The following MELTF variants were observed in gnomAD, a reference collection of about 807,000 sequenced individuals.
The protein encoded by MELTF is antigen p97 (melanoma associated) identified by monoclonal antibodies 133.2 and 96.5.
Under a neutral mutation model 83.7 loss-of-function variants are expected in MELTF, and 67 were observed. That is an observed-to-expected ratio of 0.80 (90% CI 0.66 to 0.98). The LOEUF (loss-of-function observed/expected upper bound fraction) is 0.98. MELTF is among the 50% of genes least tolerant of loss of function. MELTF has a pLI of 0.00. For missense variants in MELTF, 1,002 were observed against 1,035.6 expected (o/e 0.97, Z 0.44); for synonymous variants, 462 against 447.6 (o/e 1.03, Z -0.41).
At position 197,009,612 on chromosome 3, in the gene MELTF, G is replaced by T; in HGVS notation, c.1525+6C>A. ...CCAGTCTGCGTTCCTAAAAAGGGGG[G>T]GGTACCTGTGAGGACGTCACAGTCC... On this transcript the variant is annotated splice_donor_region_variant and intron_variant, in intron 11 of 15. Coordinates refer to ENST00000296350, the MANE Select transcript of MELTF (RefSeq NM_005929.6). 6.3e-7 allele frequency: 1 copy of T among 1,597,704 alleles called. No individual in the cohort carries two copies. Among genetic ancestry groups the T allele is most frequent in the South Asian group, 1.1e-5 (1 of 90,792 alleles).
chr3:197,003,347 G>T lies in MELTF; in HGVS notation c.*25C>A. On this transcript the variant is annotated 3_prime_UTR_variant, in exon 16 of 16. Coordinates refer to ENST00000296350, the MANE Select transcript of MELTF (RefSeq NM_005929.6). This position sits in a 1 kb window ranked among gnomAD's most constrained non-coding sequence, Gnocchi z 6.2. ...GCGGAAACTCCCCGGGCGGGCATCGGAGCTCTGGGGCGGGGCGGCCGGGCT... is the reference window on the plus strand; with the variant it reads ...GCGGAAACTCCCCGGGCGGGCATCGTAGCTCTGGGGCGGGGCGGCCGGGCT... The T allele has an allele frequency of 9.4e-7, 1 of 1,063,252 alleles. No homozygotes were observed. 65.9% of individuals were successfully genotyped at this position (1,063,252 alleles called of 1,614,324 possible).
Position 197,008,940 on chromosome 3 carries a change from G to A in MELTF, c.1551C>T (p.Ser517=). The A allele has an allele frequency of 1.2e-6, 2 of 1,614,028 alleles. No homozygotes were observed. The highest frequency in any genetic ancestry group is 2.2e-5 in the South Asian group (2 of 91,080). Residue 517 remains serine (S), a synonymous_variant, in exon 12 of 16, where the codon AGC becomes AGT. Transcript: ENST00000296350. The surrounding 1 kb of genome is among the most constrained non-coding windows in gnomAD (Gnocchi z 5.4). ...LTAVSEFFNA[S]CVPVNNPKNY... ...TCTTGGGGTTGTTCACGGGCACGCA[G>A]CTGGCATTGAAGAACTCGCTCACTG...
chr3:197,010,945 C>A, intron 9 of MELTF, 151 bp from the exon 10 acceptor site: 1 of 675,870 alleles, frequency 1.5e-6, no homozygotes, highest in Non-Finnish European at 2.6e-6. Context: ...GTACCCCATC[C>A]TGGCAGTCTG....
In MELTF at chr3:197,016,189, G is replaced by A. The variant is rs535723347; in HGVS notation, c.1081C>T (p.Arg361Trp). The change falls in exon 8 of 16, where the codon CGG becomes TGG. Residue 361 changes from arginine (R) to tryptophan (W), a missense_variant and splice_region_variant. Physicochemically the swap from Arg to Trp is moderately radical, Grantham distance 101. Coordinates refer to ENST00000296350, the MANE Select transcript of MELTF (RefSeq NM_005929.6). The stretch of plus-strand genomic sequence containing the variant: ...CAGCAGTGGGGACAGGTGGACTTAC[G>A]GTTGGGGTCACAGAGCAGACCCTTC... ...AMKGLLCDPN[R>W]LPPYLRWCVL... 11 of 1,531,296 alleles carry A rather than the reference G, an allele frequency of 7.2e-6. No individual in the cohort carries two copies. Among genetic ancestry groups the A allele is most frequent in the African/African-American group, 7.0e-5 (5 of 71,512 alleles). 94.9% of individuals were successfully genotyped at this position (1,531,296 alleles called of 1,614,324 possible). A position where few individuals can be genotyped will look rare whatever the true frequency, so the allele number is the denominator to read the frequency against.
intron 9 of MELTF, among the ~76,000 whole-genome samples, chr3:197,014,427 G>A (rs751792509): frequency 8.5e-5 from 11 of 130,114 alleles, no homozygotes; most frequent in Non-Finnish European, 1.5e-4. Flanking sequence ...CTCTCTTGTC[G>A]CCCAGGCTGG....
At chr3:197,017,353 G>A in intron 6 of MELTF, 63 bp from the exon 7 acceptor site, 1 of 1,411,902 alleles carries the variant, frequency 7.1e-7, no homozygotes, top group Non-Finnish European at 9.4e-7. Flanking sequence ...TGGCGGGGAA[G>A]GCCCAGGAGA....
At chr3:197,017,077 A>T (rs1383312109) in intron 7 of MELTF, 26 bp downstream of exon 7, 2 of 1,605,320 alleles carry the variant, frequency 1.2e-6, no homozygotes, top group South Asian at 2.3e-5. Context: ...GAAGCTGTGC[A>T]GGTGGTTGGG....
intron 6 of MELTF, among the ~76,000 whole-genome samples, chr3:197,018,273 G>A (rs996967480): frequency 2.5e-4 from 38 of 150,848 alleles, no homozygotes; most frequent in African/African-American, 8.5e-4. Flanking sequence ...TCAGCCTCCC[G>A]AGTAGCTGGG....
Position 197,006,461 on chromosome 3 carries a change from G to C in MELTF, c.1938+88C>G, listed in dbSNP as rs879331642. 11 of 1,207,882 alleles carry C rather than the reference G, an allele frequency of 9.1e-6. No individual in the cohort carries two copies. The Admixed American group carries it at 1.7e-4, about 19-fold the overall frequency. 74.8% of individuals were successfully genotyped at this position (1,207,882 alleles called of 1,614,324 possible). On this transcript the variant is annotated intron_variant, in intron 14 of 15. Transcript: ENST00000296350. This position sits in a 1 kb window ranked among gnomAD's most constrained non-coding sequence, Gnocchi z 5.4. ...CCCGGGCTTCCTCAATTTCTCTAGA[G>C]GTCTGCTCCAGGTAGACTGAGGCCT...
rs1012135480 is a variant in MELTF at position 197,011,393 on chromosome 3, T to C, written c.1234-599A>G. Among the ~76,000 whole-genome samples the C allele has an allele frequency of 6.6e-6, 1 of 152,078 alleles. No individual in the cohort carries two copies. Among genetic ancestry groups the C allele is most frequent in the South Asian group, 2.1e-4 (1 of 4,824 alleles). ...CACCTGCACCCACCCCGCTTGTCCA[T>C]TCGGAAGCCTATTGACAGGTGGTCC... On this transcript the variant is annotated intron_variant, in intron 9 of 15. Transcript: ENST00000296350. The surrounding 1 kb of genome is among the most constrained non-coding windows in gnomAD (Gnocchi z 4.2).
chr3:197,009,094 G>T, intron 11 of MELTF, 129 bp from the exon 12 acceptor site: 1 of 1,025,180 alleles, frequency 9.8e-7, no homozygotes, highest in Non-Finnish European at 1.4e-6. Flanking sequence ...TGTCTGCTCC[G>T]CTCCCCTCAG....
rs1287074037 is a variant in MELTF, at chr3:197,017,260, AG to A, written c.742del (p.Leu248CysfsTer105). On this transcript the variant is annotated frameshift_variant, in exon 7 of 16. Transcript: ENST00000296350. LOFTEE classifies it high-confidence loss of function. ...GKTLPSWGQA[L>X]LSQDFELLCR... Reference sequence around the variant, plus strand: ...CAGCAGCTCGAAGTCCTGTGACAGCAGGGCCTGGCCCCAGGAGGGAAGCGTC... The same window carrying A: ...CAGCAGCTCGAAGTCCTGTGACAGCAGGCCTGGCCCCAGGAGGGAAGCGTC... 6.3e-7 allele frequency: 1 copy of A among 1,577,326 alleles called. No individual in the cohort carries two copies. The highest frequency in any genetic ancestry group is 1.9e-5 in the Admixed American group (1 of 53,318).
chr3:197,005,244 A>G lies in MELTF; in HGVS notation c.1939-1145T>C, dbSNP rs1271925301. Reference sequence around the variant, plus strand: ...ATTGGCTGTAGAGCACGAGAGGAAGACCGGAGTCAAAAATGACTCCCGAGG... The same window carrying G: ...ATTGGCTGTAGAGCACGAGAGGAAGGCCGGAGTCAAAAATGACTCCCGAGG... On this transcript the variant is annotated intron_variant, in intron 14 of 15. Transcript: ENST00000296350. 2.0e-5 allele frequency among the ~76,000 whole-genome samples: 3 copies of G among 152,216 alleles called. No homozygotes were observed. The East Asian group carries it at 5.8e-4, about 29-fold the overall frequency.
At chr3:197,004,429 G>A (rs893701245) in intron 14 of MELTF, 2 of 390,966 alleles carry the variant, frequency 5.1e-6, no homozygotes, top group African/African-American at 2.1e-5. Context: ...ATTCCTGAGC[G>A]TTCTGCTAGG....
At chr3:197,014,329 A>G (rs1310532659) in intron 9 of MELTF, among the ~76,000 whole-genome samples, 9 of 151,780 alleles carry the variant, frequency 5.9e-5, no homozygotes. Context: ...AGTAAAAAGT[A>G]GAACAGAGGA....
intron 9 of MELTF, 47 bp from the exon 10 acceptor site, chr3:197,010,841 G>T: frequency 6.4e-7 from 1 of 1,562,766 alleles, no homozygotes. Context: ...GCCCAGGATG[G>T]CTCTGGATGT....
chr3:197,004,692 G>T (rs1001824143), intron 14 of MELTF: 1 of 156,800 alleles, frequency 6.4e-6, no homozygotes. Flanking sequence ...ACCAGAAGTA[G>T]TATGAGAACT....
intron 8 of MELTF, 38 bp downstream of exon 8, chr3:197,016,151 G>GGGCTGGAGCT (rs2148584640): frequency 6.8e-7 from 1 of 1,472,284 alleles, no homozygotes. Flanking sequence ...AGGTTGAGCT[G>GGGCTGGAGCT]GGCTGGAGCT....
intron 8 of MELTF, 74 bp from the exon 9 acceptor site, chr3:197,015,590 A>G (rs1719340795): frequency 6.7e-7 from 1 of 1,485,128 alleles, no homozygotes. Context: ...GACCCAAGGG[A>G]AATTCTGGGC....
Sources: gnomAD v4.1 joint callset for allele counts (sites outside exome capture counted in the v4.1 genomes callset) on GRCh38, gnomAD v4.1.1 for gene constraint, Gnocchi (gnomAD v3.1) non-coding constraint, MANE v1.5 for transcripts, NCBI Gene and HGNC (gene_info 2026-07-23, HGNC 2026-07-21) for gene names.